Variants in PARVA observed in about 807,000 individuals in gnomAD.
PARVA encodes the protein parvin alpha.
Under a neutral mutation model 52.6 loss-of-function variants are expected in PARVA, and 25 were observed. That is an observed-to-expected ratio of 0.48 (90% CI 0.35 to 0.66). The LOEUF is 0.66. PARVA is among the 30% of genes least tolerant of loss of function. PARVA has a pLI of 0.01. For missense variants in PARVA, 373 were observed against 450.9 expected, an observed-to-expected ratio of 0.83 and a Z score of 1.56; for synonymous variants, 185 against 179.1, an observed-to-expected ratio of 1.03 and a Z score of -0.26.
Position 12,533,552 on chromosome 11 carries a change from G to A in PARVA, c.*5627G>A, listed in dbSNP as rs151184684. On this transcript the variant is annotated 3_prime_UTR_variant, in exon 13 of 13. Transcript: ENST00000334956. ...TTGATCCTTGAATGATATGGGCACC[G>A]ACCCCTGAGCAGCTGAAAATTTGCA... Among the ~76,000 whole-genome samples, 249 of 152,138 alleles carry A rather than the reference G, an allele frequency of 1.6e-3. 1 individual carries two copies. The highest frequency in any genetic ancestry group is 5.4e-3 in the African/African-American group (222 of 41,472).
At chr11:12,405,376 G>C (rs928657705) in intron 1 of PARVA, among the ~76,000 whole-genome samples, 1 of 152,106 alleles carries the variant, frequency 6.6e-6, no homozygotes, top group African/African-American at 2.4e-5. Flanking sequence ...TAACACATGC[G>C]TATAGGAAAA....
In PARVA at chr11:12,504,772, T is replaced by TGGGG. The variant is rs1328944434; in HGVS notation, c.657+346_657+347insGGGG. 3.4e-3 allele frequency among the ~76,000 whole-genome samples: 273 copies of TGGGG among 80,976 alleles called. 1 individual carries two copies. Among genetic ancestry groups the TGGGG allele is most frequent in the African/African-American group, 0.012 (260 of 22,126 alleles). 53.1% of individuals were successfully genotyped at this position (80,976 alleles called of 152,430 possible). A position where few individuals can be genotyped will look rare whatever the true frequency, so the allele number is the denominator to read the frequency against. On this transcript the variant is annotated intron_variant, in intron 6 of 12. Transcript: ENST00000334956. ...TCATGGGGTCAGGAGGAAAGGTATGTGGGTGTGTGTGTGTGTGTGTGAGTT... is the reference window on the plus strand; with the variant it reads ...TCATGGGGTCAGGAGGAAAGGTATGTGGGGGGGTGTGTGTGTGTGTGTGTGAGTT...
intron 1 of PARVA, among the ~76,000 whole-genome samples, chr11:12,457,461 A>C (rs980617311): frequency 6.6e-6 from 1 of 152,236 alleles, no homozygotes; most frequent in Non-Finnish European, 1.5e-5. Context: ...CTTCACAGTC[A>C]GTGTCCTGAA....
chr11:12,425,464 A>G (rs1940217963), intron 1 of PARVA, among the ~76,000 whole-genome samples: 1 of 152,144 alleles, frequency 6.6e-6, no homozygotes, highest in Non-Finnish European at 1.5e-5. Context: ...AAATACCTTG[A>G]TCTCCTCATT....
chr11:12,474,918 A>G (rs1340146204), intron 3 of PARVA, among the ~76,000 whole-genome samples: 1 of 150,966 alleles, frequency 6.6e-6, no homozygotes, highest in Non-Finnish European at 1.5e-5. Context: ...GTGAGCCATG[A>G]CCACGCCACT....
chr11:12,527,988 C>G lies in PARVA; in HGVS notation c.*63C>G. 8.7e-7 allele frequency: 1 copy of G among 1,144,316 alleles called. No individual in the cohort carries two copies. The highest frequency in any genetic ancestry group is 2.3e-5 in the East Asian group (1 of 42,798). 70.9% of individuals were successfully genotyped at this position (1,144,316 alleles called of 1,614,324 possible). ...GCTGTTGGCGTACTGGACCCTCCTC[C>G]GAACTGCCTTACCCTGCTTATTCCT... On this transcript the variant is annotated 3_prime_UTR_variant, in exon 13 of 13. Coordinates refer to ENST00000334956, the MANE Select transcript of PARVA (RefSeq NM_018222.5).
chr11:12,497,586 C>T (rs1360367091), intron 5 of PARVA, among the ~76,000 whole-genome samples: 3 of 152,204 alleles, frequency 2.0e-5, no homozygotes, highest in South Asian at 2.1e-4. Context: ...CATAATTACA[C>T]GTTTTTGTGC....
intron 1 of PARVA, among the ~76,000 whole-genome samples, chr11:12,393,198 G>A (rs1373989815): frequency 6.6e-6 from 1 of 152,114 alleles, no homozygotes; most frequent in Non-Finnish European, 1.5e-5. Flanking sequence ...AAGTGCATCA[G>A]GGACAAGCAC....
intron 5 of PARVA, among the ~76,000 whole-genome samples, chr11:12,497,053 A>G (rs962740669): frequency 6.6e-6 from 1 of 152,216 alleles, no homozygotes; most frequent in Non-Finnish European, 1.5e-5. Context: ...TTTTCTAGAA[A>G]GAGCAAAGAT....
rs1003654432 is a variant in PARVA, at chr11:12,528,460, T to G, written c.*535T>G. On this transcript the variant is annotated 3_prime_UTR_variant, in exon 13 of 13. Coordinates refer to ENST00000334956, the MANE Select transcript of PARVA (RefSeq NM_018222.5). ...CTCTTTGAACATAACCTCTCCCTTC[T>G]CCCTAAAGGTAACCACTATTCTGAG... 1 of 157,360 alleles carries G rather than the reference T, an allele frequency of 6.4e-6. No homozygotes were observed. Among genetic ancestry groups the G allele is most frequent in the Non-Finnish European group, 1.4e-5 (1 of 70,834 alleles). 9.7% of individuals were successfully genotyped at this position (157,360 alleles called of 1,614,324 possible). A position where few individuals can be genotyped will look rare whatever the true frequency, so the allele number is the denominator to read the frequency against.
rs1476251250 is a variant in PARVA, at chr11:12,534,509, A to G, written c.*6584A>G. Among the ~76,000 whole-genome samples, 3 of 152,216 alleles carry G rather than the reference A, an allele frequency of 2.0e-5. No homozygotes were observed. The highest frequency in any genetic ancestry group is 7.2e-5 in the African/African-American group (3 of 41,452). On this transcript the variant is annotated 3_prime_UTR_variant, in exon 13 of 13. Transcript: ENST00000334956. ...TGGGAAATTCAGAGAAGTACCCATT[A>G]TTAAGATAAATGATGTTTTATCAAT... is the stretch of plus-strand genomic sequence containing the variant.
chr11:12,475,704 A>G lies in PARVA; in HGVS notation c.297+1721A>G, dbSNP rs190190622. On this transcript the variant is annotated intron_variant, in intron 3 of 12. Transcript: ENST00000334956. ...AATGTCCCTTCTGTCTGCTGAAGGG[A>G]GTCTGTGCCCTGACCCCAGAGTTTA... is the stretch of plus-strand genomic sequence containing the variant. Among the ~76,000 whole-genome samples, 785 of 152,022 alleles carry G rather than the reference A, an allele frequency of 5.2e-3. 7 individuals carry two copies. Among genetic ancestry groups the G allele is most frequent in the Middle Eastern group, 0.02 (6 of 294 alleles).
At chr11:12,428,067 C>G (rs75277603) in intron 1 of PARVA, among the ~76,000 whole-genome samples, 1,572 of 152,322 alleles carry the variant, frequency 0.01, 16 homozygotes, top group African/African-American at 0.028. Flanking sequence ...GGGCTCACTA[C>G]CAGCCTGTGA....
At chr11:12,511,677 G>A (rs1016414368) in intron 8 of PARVA, 144 bp downstream of exon 8, 7 of 824,396 alleles carry the variant, frequency 8.5e-6, no homozygotes, top group East Asian at 2.6e-5. Flanking sequence ...AATTGGGTTG[G>A]GAGGGACAGC....
chr11:12,404,423 A>G (rs1355423301), intron 1 of PARVA, among the ~76,000 whole-genome samples: 1 of 152,226 alleles, frequency 6.6e-6, no homozygotes. Context: ...AAGGGATTCA[A>G]GAGTGCGCTC....
chr11:12,444,943 G>T (rs1940524290), intron 1 of PARVA, among the ~76,000 whole-genome samples: 1 of 152,226 alleles, frequency 6.6e-6, no homozygotes, highest in African/African-American at 2.4e-5. Context: ...CATAGGTGGA[G>T]TTGAGAGGGC....
At chr11:12,479,822 A>G (rs1941063333) in intron 4 of PARVA, 3 of 152,228 alleles carry the variant, frequency 2.0e-5, no homozygotes, top group African/African-American at 7.2e-5. Flanking sequence ...GTAGCTGTTT[A>G]GGTAAATGTG....
At chr11:12,479,037 C>T (rs1404640176) in intron 4 of PARVA, 1 of 152,220 alleles carries the variant, frequency 6.6e-6, no homozygotes, top group East Asian at 1.9e-4. Context: ...GTGTAAAGTG[C>T]TTAGGATAGT....
intron 1 of PARVA, among the ~76,000 whole-genome samples, chr11:12,464,279 A>C (rs1940825517): frequency 6.6e-6 from 1 of 152,168 alleles, no homozygotes; most frequent in African/African-American, 2.4e-5. Context: ...AGTTAAACAT[A>C]AGTTTTTACT....
Sources: gnomAD v4.1 joint callset for allele counts (sites outside exome capture counted in the v4.1 genomes callset) on GRCh38, gnomAD v4.1.1 for gene constraint, MANE v1.5 for transcripts, NCBI Gene and HGNC (gene_info 2026-07-23, HGNC 2026-07-21) for gene names.